DCLK1: variants seen among roughly 807,000 people sequenced by gnomAD.
DCLK1 encodes doublecortin like kinase 1, also known as serine/threonine-protein kinase DCLK1.
Under a neutral mutation model 86.2 loss-of-function variants are expected in DCLK1, and 16 were observed. The ratio of observed to expected loss-of-function variants is 0.19; its 90% confidence interval spans 0.13 to 0.28. The LOEUF (loss-of-function observed/expected upper bound fraction) is 0.28. Among genes scored for constraint, DCLK1 ranks in the 10% least tolerant of loss-of-function variants. The probability of loss-of-function intolerance (pLI) is 1.00; values close to 1 mark genes in which losing one functional copy is unlikely to be tolerated. For missense variants in DCLK1, 590 were observed against 940.2 expected, an observed-to-expected ratio of 0.63 and a Z score of 4.87; for synonymous variants, 369 against 370.5, an observed-to-expected ratio of 1.00 and a Z score of 0.05.
rs968647931 is a variant in DCLK1, at chr13:36,094,473, G to A, written c.723+17396C>T. 2.5e-4 allele frequency among the ~76,000 whole-genome samples: 38 copies of A among 152,112 alleles called. 1 individual carries two copies. The highest frequency in any genetic ancestry group is 9.7e-5 in the African/African-American group (4 of 41,414). Reference sequence around the variant, plus strand: ...CTATCAGCTGTTGGTGTTCTGTTGCGTTATTAAACCAACTCAGAAATGCGG... The same window carrying A: ...CTATCAGCTGTTGGTGTTCTGTTGCATTATTAAACCAACTCAGAAATGCGG... On this transcript the variant is annotated intron_variant, in intron 3 of 16. Coordinates refer to ENST00000360631, the MANE Select transcript of DCLK1 (RefSeq NM_001330071.2).
chr13:35,982,819 T>C (rs1879726716), intron 3 of DCLK1, among the ~76,000 whole-genome samples: 2 of 152,116 alleles, frequency 1.3e-5, no homozygotes, highest in South Asian at 4.1e-4. Flanking sequence ...TGGAGTGCAG[T>C]GGCATGGTCT....
At chr13:36,095,198 TTG>T (rs1474677512) in intron 3 of DCLK1, among the ~76,000 whole-genome samples, 4 of 151,772 alleles carry the variant, frequency 2.6e-5, no homozygotes, top group African/African-American at 7.3e-5. Flanking sequence ...TTTTTTTGTT[TTG>T]TTTTGTTTTG....
rs2153157808 is a variant in DCLK1 at position 36,054,508 on chromosome 13, T to G, written c.723+57361A>C. ...TAACTAAACACTGAGTTGAGAAACT[T>G]CCATTCTACTTGGGAGAGGGGTAGG... is the stretch of plus-strand genomic sequence containing the variant. On this transcript the variant is annotated intron_variant, in intron 3 of 16. Transcript: ENST00000360631. Among the ~76,000 whole-genome samples the G allele has an allele frequency of 1.3e-5, 2 of 152,232 alleles. 1 individual carries two copies. Among genetic ancestry groups the G allele is most frequent in the South Asian group, 4.1e-4 (2 of 4,830 alleles).
At chr13:35,986,604 C>T (rs1169652512) in intron 3 of DCLK1, among the ~76,000 whole-genome samples, 2 of 152,172 alleles carry the variant, frequency 1.3e-5, no homozygotes, top group African/African-American at 2.4e-5. Flanking sequence ...ACAAAAACCA[C>T]AGCACTTTTC....
chr13:36,126,183 C>T (rs1041156715), intron 1 of DCLK1, 27 bp from the exon 2 acceptor site: 4 of 1,522,786 alleles, frequency 2.6e-6, no homozygotes, highest in Middle Eastern at 3.6e-4. Context: ...CAAAAGCAGA[C>T]ACACATATTG....
chr13:35,993,074 T>C (rs1409932910), intron 3 of DCLK1, among the ~76,000 whole-genome samples: 1 of 152,192 alleles, frequency 6.6e-6, no homozygotes, highest in African/African-American at 2.4e-5. Context: ...GTCTCCCTGA[T>C]GTAATATGTG....
chr13:35,929,301 G>T (rs1876297884), intron 4 of DCLK1, among the ~76,000 whole-genome samples: 1 of 152,220 alleles, frequency 6.6e-6, no homozygotes, highest in South Asian at 2.1e-4. Flanking sequence ...ATAAAAAAAG[G>T]TATGAAAACA....
At chr13:35,895,519 A>C (rs1007451698) in intron 4 of DCLK1, among the ~76,000 whole-genome samples, 2 of 152,186 alleles carry the variant, frequency 1.3e-5, no homozygotes, top group African/African-American at 4.8e-5. Flanking sequence ...GACATGATGC[A>C]CACGCTAATC....
At chr13:35,930,872 G>T (rs1373813876) in intron 4 of DCLK1, among the ~76,000 whole-genome samples, 2 of 152,156 alleles carry the variant, frequency 1.3e-5, no homozygotes, top group Non-Finnish European at 2.9e-5. Flanking sequence ...TTTGCCTTGA[G>T]TCAATGTTCA....
intron 3 of DCLK1, among the ~76,000 whole-genome samples, chr13:36,031,948 T>C (rs1882295599): frequency 6.6e-6 from 1 of 152,108 alleles, no homozygotes; most frequent in African/African-American, 2.4e-5. Context: ...CTCAACACTT[T>C]AGGTGGAAGG....
At chr13:35,987,309 C>T (rs1162489318) in intron 3 of DCLK1, among the ~76,000 whole-genome samples, 2 of 152,150 alleles carry the variant, frequency 1.3e-5, no homozygotes, top group Non-Finnish European at 2.9e-5. Flanking sequence ...CCTGTAATCC[C>T]AGCTACTTAG....
intron 4 of DCLK1, among the ~76,000 whole-genome samples, chr13:35,878,727 G>A (rs1418953384): frequency 6.6e-6 from 1 of 152,064 alleles, no homozygotes; most frequent in Non-Finnish European, 1.5e-5. Flanking sequence ...TGCATTATAT[G>A]CCTGTATCAA....
intron 3 of DCLK1, among the ~76,000 whole-genome samples, chr13:36,047,089 A>G (rs1882942055): frequency 6.6e-6 from 1 of 152,264 alleles, no homozygotes; most frequent in Non-Finnish European, 1.5e-5. Flanking sequence ...TATGCTCAAC[A>G]TCAGTAGTCA....
At chr13:35,858,473 C>T (rs1344752797) in intron 5 of DCLK1, among the ~76,000 whole-genome samples, 1 of 152,094 alleles carries the variant, frequency 6.6e-6, no homozygotes, top group Non-Finnish European at 1.5e-5. Context: ...TGGAAGATGG[C>T]AGAGTTAAAG....
rs1283932877 is a variant in DCLK1 at position 36,035,471 on chromosome 13, T to C, written c.723+76398A>G. Among the ~76,000 whole-genome samples the C allele has an allele frequency of 2.6e-5, 4 of 152,180 alleles. No individual in the cohort carries two copies. In the South Asian group the frequency reaches 8.3e-4, roughly 32 times the overall value. ...AAGTTTATATTGCTATTAAGTAGTA[T>C]TGGGGGGAAAGGGTCCAAATAATTT... On this transcript the variant is annotated intron_variant, in intron 3 of 16. Coordinates refer to ENST00000360631, the MANE Select transcript of DCLK1 (RefSeq NM_001330071.2).
At chr13:35,925,400 T>A (rs549021429) in intron 4 of DCLK1, among the ~76,000 whole-genome samples, 1 of 152,328 alleles carries the variant, frequency 6.6e-6, no homozygotes, top group Admixed American at 6.5e-5. Flanking sequence ...CAGCAGCACA[T>A]TTAAAAGACG....
intron 3 of DCLK1, among the ~76,000 whole-genome samples, chr13:36,021,357 T>G (rs1881773523): frequency 6.6e-6 from 1 of 151,400 alleles, no homozygotes; most frequent in Non-Finnish European, 1.5e-5. Context: ...AGCCTTAAAA[T>G]GTATAAAAAC....
intron 4 of DCLK1, among the ~76,000 whole-genome samples, chr13:35,929,776 A>G (rs1195315936): frequency 6.6e-6 from 1 of 152,042 alleles, no homozygotes; most frequent in Non-Finnish European, 1.5e-5. Context: ...TATCTGTTTT[A>G]GGTCTTCAGG....
intron 4 of DCLK1, among the ~76,000 whole-genome samples, chr13:35,896,590 A>AG (rs1555348233): frequency 2.5e-5 from 1 of 40,750 alleles, no homozygotes; most frequent in Non-Finnish European, 1.1e-4. Flanking sequence ...CTTGATATAT[A>AG]GAAAAAAAAA....
Sources: allele counts gnomAD v4.1 joint callset (sites outside exome capture counted in the v4.1 genomes callset), GRCh38; gene constraint gnomAD v4.1.1; transcripts MANE v1.5; gene names NCBI Gene and HGNC (gene_info 2026-07-23, HGNC 2026-07-21).